CDH4: variants seen among roughly 807,000 people sequenced by gnomAD.
The protein encoded by CDH4 is cadherin-4.
A neutral mutation model predicts 86.0 loss-of-function variants in CDH4; 33 were observed. That is an observed-to-expected ratio of 0.38 (90% confidence interval 0.29 to 0.51). The LOEUF (loss-of-function observed/expected upper bound fraction) is 0.51. CDH4 is among the 20% of genes least tolerant of loss of function. The pLI, the probability that CDH4 is intolerant of heterozygous loss-of-function variation, is 0.86. For synonymous variants in CDH4, 555 were observed against 549.4 expected, an observed-to-expected ratio of 1.01 and a Z score of -0.14; for missense variants, 1,114 against 1,307.4, an observed-to-expected ratio of 0.85 and a Z score of 2.28.
At chr20:61,777,731 C>T (rs1415691457) in intron 4 of CDH4, among the ~76,000 whole-genome samples, 20 of 148,286 alleles carry the variant, frequency 1.3e-4, no homozygotes, top group African/African-American at 5.0e-4. Context: ...TGCACACGTG[C>T]ATACAAAAAC....
At chr20:61,607,758 G>T (rs1349702442) in intron 2 of CDH4, among the ~76,000 whole-genome samples, 1 of 152,214 alleles carries the variant, frequency 6.6e-6, no homozygotes, top group African/African-American at 2.4e-5. Context: ...CCAAGTTGTT[G>T]CTGGATGATG....
At chr20:61,855,355 A>G (rs1170311681) in intron 6 of CDH4, among the ~76,000 whole-genome samples, 2 of 152,206 alleles carry the variant, frequency 1.3e-5, no homozygotes, top group African/African-American at 2.4e-5. Flanking sequence ...ATGTGACATT[A>G]TTTCACTGGA....
chr20:61,697,426 C>T (rs572127979), intron 2 of CDH4, among the ~76,000 whole-genome samples: 12 of 152,230 alleles, frequency 7.9e-5, no homozygotes, highest in African/African-American at 2.9e-4. Flanking sequence ...GGTAAAACCC[C>T]GTCTCTACTA....
chr20:61,319,659 G>C (rs1450631020), intron 2 of CDH4, among the ~76,000 whole-genome samples: 6 of 152,070 alleles, frequency 3.9e-5, no homozygotes, highest in Non-Finnish European at 1.5e-5. Flanking sequence ...AGATGAATAA[G>C]TTCTGGCTGG....
At chr20:61,332,372 C>T (rs889111783) in intron 2 of CDH4, among the ~76,000 whole-genome samples, 2 of 152,358 alleles carry the variant, frequency 1.3e-5, no homozygotes, top group East Asian at 1.9e-4. Context: ...CACTGCACAG[C>T]GTCCCCAGCC....
At chr20:61,253,139 C>T (rs930733226) in intron 1 of CDH4, among the ~76,000 whole-genome samples, 39 of 151,378 alleles carry the variant, frequency 2.6e-4, no homozygotes, top group Admixed American at 1.2e-3. Context: ...GGGTGGGCGG[C>T]GGGGTAGGAC....
At chr20:61,716,117 C>T (rs1345007041) in intron 2 of CDH4, among the ~76,000 whole-genome samples, 3 of 152,172 alleles carry the variant, frequency 2.0e-5, no homozygotes, top group Non-Finnish European at 2.9e-5. Flanking sequence ...ATGCTCCTCA[C>T]CTGTGAGCCA....
chr20:61,253,473 G>A (rs2084077581), intron 1 of CDH4, among the ~76,000 whole-genome samples: 1 of 152,084 alleles, frequency 6.6e-6, no homozygotes, highest in Non-Finnish European at 1.5e-5. Flanking sequence ...GATCGGCCTC[G>A]CTGCCTTCTC....
At chr20:61,771,010 C>CT (rs756131628) in intron 3 of CDH4, among the ~76,000 whole-genome samples, 14,812 of 130,246 alleles carry the variant, frequency 0.11, 903 homozygotes, top group Non-Finnish European at 0.15. Flanking sequence ...TTCTTTTTTT[C>CT]TTTTTTTTTT....
intron 2 of CDH4, among the ~76,000 whole-genome samples, chr20:61,579,106 G>T (rs1317554620): frequency 6.6e-6 from 1 of 152,114 alleles, no homozygotes; most frequent in Admixed American, 6.5e-5. Context: ...ACACCTGAGG[G>T]TGGAGGATGG....
rs11481455 is a variant in CDH4 at position 61,937,249 on chromosome 20, G to GA, written c.*322dup. 0.67 allele frequency: 73,297 copies of GA among 109,876 alleles called. 23,785 individuals are homozygous for GA. Among genetic ancestry groups the GA allele is most frequent in the East Asian group, 0.78 (2,613 of 3,360 alleles). The allele number at this position is 109,876 out of a possible 1,614,324, so 6.8% of individuals were successfully genotyped here. The stretch of plus-strand genomic sequence containing the variant: ...AAAAAAAAAAAAAAGAAGAAAGAAA[G>GA]AAAAAAAAAAAAAAAAGAAAGTGCC... On this transcript the variant is annotated 3_prime_UTR_variant, in exon 16 of 16. Transcript: ENST00000614565.
intron 2 of CDH4, among the ~76,000 whole-genome samples, chr20:61,351,578 T>TG (rs1211459121): frequency 1.3e-5 from 2 of 152,246 alleles, no homozygotes; most frequent in East Asian, 1.9e-4. Flanking sequence ...TGTATGTGTA[T>TG]GGGGGGGACG....
Position 61,718,612 on chromosome 20 carries a change from C to T in CDH4, c.170-24951C>T, listed in dbSNP as rs115834743. On this transcript the variant is annotated intron_variant, in intron 2 of 15. Coordinates refer to ENST00000614565, the MANE Select transcript of CDH4 (RefSeq NM_001794.5). ...AGGGCAGAGCGCTGCAGGGGCTACC[C>T]GACTGGGTGTCCTAAGGTGAACAGA... 3.8e-3 allele frequency: 1,372 copies of T among 361,870 alleles called. 15 individuals are homozygous for T. Among genetic ancestry groups the T allele is most frequent in the African/African-American group, 0.027 (1,249 of 46,964 alleles). 22.4% of individuals were successfully genotyped at this position (361,870 alleles called of 1,614,324 possible).
intron 2 of CDH4, among the ~76,000 whole-genome samples, chr20:61,449,749 A>G (rs2085370165): frequency 6.6e-6 from 1 of 152,250 alleles, no homozygotes; most frequent in Non-Finnish European, 1.5e-5. Flanking sequence ...AAGTGAAATT[A>G]TACCAAATAC....
At chr20:61,386,804 G>C (rs952301566) in intron 2 of CDH4, among the ~76,000 whole-genome samples, 2 of 152,348 alleles carry the variant, frequency 1.3e-5, no homozygotes, top group African/African-American at 4.8e-5. Context: ...AGGAAACAGA[G>C]AGAGGTGACC....
chr20:61,770,901 G>C (rs1203997436), intron 3 of CDH4, among the ~76,000 whole-genome samples: 1 of 144,900 alleles, frequency 6.9e-6, no homozygotes, highest in East Asian at 2.1e-4. Flanking sequence ...AAAAAACACA[G>C]AAAGGTAAAA....
chr20:61,692,531 T>A (rs2087670958), intron 2 of CDH4, among the ~76,000 whole-genome samples: 1 of 152,240 alleles, frequency 6.6e-6, no homozygotes, highest in South Asian at 2.1e-4. Flanking sequence ...GCCTCTTAAA[T>A]CACGTGAATT....
intron 2 of CDH4, among the ~76,000 whole-genome samples, chr20:61,594,823 G>C (rs1050597497): frequency 5.9e-5 from 9 of 152,204 alleles, no homozygotes; most frequent in African/African-American, 1.9e-4. Flanking sequence ...GACACTGTTG[G>C]CTTTTTCAAG....
chr20:61,860,085 C>T (rs770139027), intron 6 of CDH4, among the ~76,000 whole-genome samples: 20 of 152,258 alleles, frequency 1.3e-4, no homozygotes, highest in Non-Finnish European at 2.6e-4. Flanking sequence ...GTCTATGTGG[C>T]TCCCGGCAGT....
Sources: gnomAD v4.1 joint callset for allele counts (sites outside exome capture counted in the v4.1 genomes callset) on GRCh38, gnomAD v4.1.1 for gene constraint, MANE v1.5 for transcripts, NCBI Gene and HGNC (gene_info 2026-07-23, HGNC 2026-07-21) for gene names.